Variants in CSMD3 observed in about 807,000 individuals in gnomAD.
CSMD3 encodes the protein CUB and Sushi multiple domains 3.
In CSMD3, 177 loss-of-function variants were observed where a neutral mutation model predicts 435.2. The observed-to-expected ratio is 0.41, with a 90% CI of 0.36 to 0.46. The LOEUF is 0.46. CSMD3 is among the 20% of genes least tolerant of loss of function. The pLI, the probability that CSMD3 is intolerant of heterozygous loss-of-function variation, is 0.34. For synonymous variants in CSMD3, 1,656 were observed against 1,520.5 expected, an observed-to-expected ratio of 1.09 and a Z score of -2.07; for missense variants, 4,265 against 4,504.6, an observed-to-expected ratio of 0.95 and a Z score of 1.52.
At chr8:112,822,053 C>G (rs1433599817) in intron 12 of CSMD3, among the ~76,000 whole-genome samples, 1 of 152,060 alleles carries the variant, frequency 6.6e-6, no homozygotes, top group African/African-American at 2.4e-5. Flanking sequence ...TTTACTGTAG[C>G]CTTGTAGTAT....
At chr8:112,458,232 A>ACACACAC (rs1817059659) in intron 32 of CSMD3, among the ~76,000 whole-genome samples, 3 of 69,896 alleles carry the variant, frequency 4.3e-5, no homozygotes, top group Non-Finnish European at 1.2e-4. Flanking sequence ...CACACAGAGA[A>ACACACAC]ACAGAGATAG....
At chr8:112,547,626 A>G (rs1827299597) in intron 27 of CSMD3, among the ~76,000 whole-genome samples, 1 of 152,158 alleles carries the variant, frequency 6.6e-6, no homozygotes, top group African/African-American at 2.4e-5. Flanking sequence ...ATTTGGGGAA[A>G]AAGAAATACA....
intron 59 of CSMD3, among the ~76,000 whole-genome samples, chr8:112,277,724 G>A (rs1268794179): frequency 6.6e-6 from 1 of 152,130 alleles, no homozygotes; most frequent in Non-Finnish European, 1.5e-5. Flanking sequence ...GTTCCAAGTG[G>A]CTGGGGAGGC....
At chr8:112,526,979 C>A (rs753320143) in intron 27 of CSMD3, among the ~76,000 whole-genome samples, 1 of 151,620 alleles carries the variant, frequency 6.6e-6, no homozygotes, top group East Asian at 1.9e-4. Flanking sequence ...GCTTTCTTTC[C>A]TCCCAAAAGA....
intron 6 of CSMD3, among the ~76,000 whole-genome samples, chr8:112,991,258 A>C (rs2131017801): frequency 6.6e-6 from 1 of 151,692 alleles, no homozygotes; most frequent in South Asian, 2.1e-4. Flanking sequence ...AACATATTTC[A>C]TAGGAAGATC....
chr8:112,844,566 T>C (rs1247523644), intron 11 of CSMD3, among the ~76,000 whole-genome samples: 2 of 151,956 alleles, frequency 1.3e-5, no homozygotes, highest in African/African-American at 2.4e-5. Context: ...ATTTATCACT[T>C]CCCCCAACCT....
intron 45 of CSMD3, among the ~76,000 whole-genome samples, chr8:112,330,153 C>A (rs902708556): frequency 6.6e-6 from 1 of 152,124 alleles, no homozygotes; most frequent in Non-Finnish European, 1.5e-5. Context: ...GCAGCAATCT[C>A]TTTTAGGATG....
At chr8:113,180,536 T>C (rs1363150919) in intron 3 of CSMD3, among the ~76,000 whole-genome samples, 1 of 152,040 alleles carries the variant, frequency 6.6e-6, no homozygotes, top group South Asian at 2.1e-4. Context: ...GGGACTCTAA[T>C]TCATCTTTGT....
chr8:112,356,302 C>T (rs1477588028), intron 38 of CSMD3, among the ~76,000 whole-genome samples: 1 of 152,044 alleles, frequency 6.6e-6, no homozygotes, highest in African/African-American at 2.4e-5. Context: ...AAATAATATG[C>T]AGCCATTAAA....
chr8:112,407,228 G>T (rs1263542907), intron 34 of CSMD3, among the ~76,000 whole-genome samples: 1 of 151,812 alleles, frequency 6.6e-6, no homozygotes, highest in Non-Finnish European at 1.5e-5. Flanking sequence ...AAACACATTT[G>T]CTATTGAGAA....
intron 22 of CSMD3, among the ~76,000 whole-genome samples, chr8:112,629,339 C>A (rs542520250): frequency 1.4e-4 from 22 of 152,188 alleles, no homozygotes; most frequent in African/African-American, 5.1e-4. Flanking sequence ...GTGGCTGAGA[C>A]AACCGTCATA....
intron 38 of CSMD3, among the ~76,000 whole-genome samples, chr8:112,366,485 C>T (rs1325025257): frequency 2.6e-5 from 4 of 152,158 alleles, no homozygotes; most frequent in African/African-American, 4.8e-5. Flanking sequence ...GCAACCTCTG[C>T]CTCCCGGGTT....
chr8:112,884,477 T>C (rs1462677471), intron 10 of CSMD3, among the ~76,000 whole-genome samples: 2 of 151,772 alleles, frequency 1.3e-5, no homozygotes, highest in African/African-American at 2.4e-5. Flanking sequence ...TGTTTTGTTA[T>C]AGAGGGATGT....
intron 12 of CSMD3, among the ~76,000 whole-genome samples, chr8:112,800,981 T>C (rs956672837): frequency 6.6e-6 from 1 of 151,890 alleles, no homozygotes; most frequent in Non-Finnish European, 1.5e-5. Context: ...CCAAAGGTCA[T>C]TAGAAGGATG....
At chr8:113,251,586 T>C (rs1490765287) in intron 3 of CSMD3, among the ~76,000 whole-genome samples, 2 of 151,190 alleles carry the variant, frequency 1.3e-5, no homozygotes, top group Non-Finnish European at 2.9e-5. Flanking sequence ...GGGATTTCTA[T>C]TGTTTAGCTG....
intron 12 of CSMD3, among the ~76,000 whole-genome samples, chr8:112,802,888 G>A (rs992348374): frequency 4.6e-5 from 7 of 151,254 alleles, no homozygotes; most frequent in African/African-American, 1.2e-4. Context: ...AGTATGCATG[G>A]GTAATCTGGA....
At chr8:112,327,708 A>T (rs573909421) in intron 45 of CSMD3, among the ~76,000 whole-genome samples, 1 of 152,270 alleles carries the variant, frequency 6.6e-6, no homozygotes, top group South Asian at 2.1e-4. Flanking sequence ...ACTACTAACA[A>T]CTACATGAGA....
intron 1 of CSMD3, among the ~76,000 whole-genome samples, chr8:113,356,208 A>G (rs934839185): frequency 6.6e-6 from 1 of 152,096 alleles, no homozygotes; most frequent in African/African-American, 2.4e-5. Flanking sequence ...AAATTTGAGC[A>G]TTAGGAAACA....
chr8:113,243,576 T>C (rs977883111), intron 3 of CSMD3, among the ~76,000 whole-genome samples: 16 of 152,114 alleles, frequency 1.1e-4, no homozygotes. Flanking sequence ...GGAGCCATCA[T>C]GTACAAGTTT....
Sources: gnomAD v4.1 joint callset for allele counts (sites outside exome capture counted in the v4.1 genomes callset) on GRCh38, gnomAD v4.1.1 for gene constraint, MANE v1.5 for transcripts, NCBI Gene and HGNC (gene_info 2026-07-23, HGNC 2026-07-21) for gene names.